The following UTP4 variants were observed in gnomAD, a reference collection of about 807,000 sequenced individuals.
The protein encoded by UTP4 is U3 small nucleolar RNA-associated protein 4 homolog.
A neutral mutation model predicts 82.4 loss-of-function variants in UTP4; 45 were observed. The observed-to-expected ratio is 0.55, with a 90% CI of 0.43 to 0.70. UTP4 has a LOEUF of 0.70. Among genes scored for constraint, UTP4 ranks in the 30% least tolerant of loss-of-function variants. The pLI is 0.00. For missense variants in UTP4, 819 were observed against 858.3 expected (o/e 0.95, Z 0.57); for synonymous variants, 348 against 300.3 (o/e 1.16, Z -1.64).
Position 69,157,639 on chromosome 16 carries a change from T to G in UTP4, c.1444+399T>G, listed in dbSNP as rs74544402. Among the ~76,000 whole-genome samples the G allele has an allele frequency of 8.2e-3, 1,248 of 152,266 alleles. 10 individuals are homozygous for G. The highest frequency in any genetic ancestry group is 0.011 in the Non-Finnish European group (734 of 68,016). ...GTGGGCATGTTGCCTTTTTTGGTTG[T>G]TTGTTCATAAAAAGGTACAATCATA... On this transcript the variant is annotated intron_variant, in intron 12 of 16. Coordinates refer to ENST00000314423, the MANE Select transcript of UTP4 (RefSeq NM_032830.3).
intron 11 of UTP4, 49 bp from the exon 12 acceptor site, chr16:69,157,035 C>G (rs151190988): frequency 6.3e-7 from 1 of 1,599,078 alleles, no homozygotes; most frequent in Admixed American, 1.7e-5. Flanking sequence ...TTCTGATGGG[C>G]TGTAGGTCTC....
chr16:69,148,181 T>A (rs1340622892), intron 6 of UTP4, among the ~76,000 whole-genome samples: 1 of 152,172 alleles, frequency 6.6e-6, no homozygotes, highest in Non-Finnish European at 1.5e-5. Context: ...CAGGATGGTC[T>A]TGATCTCCTG....
intron 3 of UTP4, among the ~76,000 whole-genome samples, chr16:69,137,508 T>G (rs1962840499): frequency 6.6e-6 from 1 of 152,200 alleles, no homozygotes; most frequent in Non-Finnish European, 1.5e-5. Context: ...GCAGAAGTAT[T>G]CTATGAAATC....
At chr16:69,161,049 G>T (rs1037741140) in intron 13 of UTP4, among the ~76,000 whole-genome samples, 1 of 152,168 alleles carries the variant, frequency 6.6e-6, no homozygotes, top group African/African-American at 2.4e-5. Flanking sequence ...TGATCTGTGG[G>T]TGATGTAAAC....
chr16:69,157,017 G>GTGAT, intron 11 of UTP4, 67 bp from the exon 12 acceptor site: 1 of 1,546,682 alleles, frequency 6.5e-7, no homozygotes, highest in Non-Finnish European at 8.9e-7. Context: ...AAGCCTAGCT[G>GTGAT]TGATTGTTTC....
At chr16:69,167,793 G>A (rs1963737048) in intron 16 of UTP4, 1 of 152,676 alleles carries the variant, frequency 6.5e-6, no homozygotes, top group Non-Finnish European at 1.5e-5. Flanking sequence ...AGGAGGTTGA[G>A]GCTGGAGTTC....
intron 2 of UTP4, among the ~76,000 whole-genome samples, chr16:69,134,486 TGAATTGCCTTCAGGGAAGGCAATTCAGA>T (rs367641044): frequency 0.016 from 1,138 of 72,386 alleles, 7 homozygotes; most frequent in African/African-American, 0.029. Context: ...GAACCTTCAT[TGAATTGCCTTCAGGGAAGGCAATTCAGA>T]GAATTGCCTT....
At chr16:69,168,685 TTG>T (rs1963764104) in intron 16 of UTP4, 134 bp from the exon 17 acceptor site, 2 of 741,752 alleles carry the variant, frequency 2.7e-6, no homozygotes, top group East Asian at 4.9e-5. Flanking sequence ...GCAGGAAAGA[TTG>T]TCAAGAAATT....
In UTP4 at chr16:69,136,232, C is replaced by G. The variant is rs141875459; in HGVS notation, c.160-464C>G. 8.7e-3 allele frequency among the ~76,000 whole-genome samples: 1,325 copies of G among 152,250 alleles called. 7 individuals are homozygous for G. Among genetic ancestry groups the G allele is most frequent in the Non-Finnish European group, 0.014 (975 of 68,008 alleles). ...GTCTAAGCATAAAATGCCTTGATAGCTACGAAAACTTTTGGGTTGGGTGCA... is the reference window on the plus strand; with the variant it reads ...GTCTAAGCATAAAATGCCTTGATAGGTACGAAAACTTTTGGGTTGGGTGCA... On this transcript the variant is annotated intron_variant, in intron 2 of 16. Transcript: ENST00000314423.
chr16:69,163,025 C>A, intron 13 of UTP4, 58 bp from the exon 14 acceptor site: 1 of 1,319,292 alleles, frequency 7.6e-7, no homozygotes, highest in Non-Finnish European at 1.1e-6. Context: ...ACCATTCAAT[C>A]TTTGCTGAGG....
rs534033030 is a variant in UTP4 at position 69,149,707 on chromosome 16, C to CT, written c.739-824dup. On this transcript the variant is annotated intron_variant, in intron 6 of 16. Transcript: ENST00000314423. ...CTGCCCACCTTGTTTATTTAAGAAA[C>CT]TTTTTTATTGGTGTTTCTTGCATTT... is the stretch of plus-strand genomic sequence containing the variant. Among the ~76,000 whole-genome samples the CT allele has an allele frequency of 3.3e-5, 5 of 151,994 alleles. No homozygotes were observed. The South Asian group carries it at 1.0e-3, about 32-fold the overall frequency.
chr16:69,168,490 A>ACAC (rs1963758379), intron 16 of UTP4, among the ~76,000 whole-genome samples: 1 of 150,206 alleles, frequency 6.7e-6, no homozygotes, highest in African/African-American at 2.4e-5. Flanking sequence ...GCAGCCGTGC[A>ACAC]CACCTACCTA....
At chr16:69,164,360 C>G (rs1963643991) in intron 14 of UTP4, among the ~76,000 whole-genome samples, 1 of 151,884 alleles carries the variant, frequency 6.6e-6, no homozygotes, top group Non-Finnish European at 1.5e-5. Context: ...GGCACTTAGT[C>G]CCTTAAGTGC....
Position 69,157,184 on chromosome 16 carries a change from T to C in UTP4, c.1388T>C (p.Ile463Thr). Residue 463 changes from isoleucine (I) to threonine (T), a missense_variant, in exon 12 of 17, where the codon ATT becomes ACT. Physicochemically the swap from Ile to Thr is moderately conservative, Grantham distance 89. Coordinates refer to ENST00000314423, the MANE Select transcript of UTP4 (RefSeq NM_032830.3). Reference protein sequence around the residue: ...FVASNQGALHIVQLSGGSFKH... With the variant: ...FVASNQGALHTVQLSGGSFKH... ...GCATCAAATCAAGGAGCTCTGCATA[T>C]TGTTCAGCTGTCAGGAGGAAGCTTC... 1 of 1,614,242 alleles carries C rather than the reference T, an allele frequency of 6.2e-7. No homozygotes were observed. Among genetic ancestry groups the C allele is most frequent in the Admixed American group, 1.7e-5 (1 of 60,026 alleles).
At chr16:69,143,157 T>C (rs747638960) in intron 5 of UTP4, 21 bp from the exon 6 acceptor site, 5 of 1,609,146 alleles carry the variant, frequency 3.1e-6, no homozygotes, top group Non-Finnish European at 4.3e-6. Flanking sequence ...CATTTGAAGG[T>C]GTGCTTTTCT....
chr16:69,135,429 G>T (rs1198320556), intron 2 of UTP4, among the ~76,000 whole-genome samples: 1 of 152,024 alleles, frequency 6.6e-6, no homozygotes, highest in Non-Finnish European at 1.5e-5. Flanking sequence ...AAAGTGAAAA[G>T]AGGCAGGGCA....
rs767076056 is a variant in UTP4 at position 69,155,937 on chromosome 16, T to C, written c.1231T>C (p.Ser411Pro). 3 of 1,614,104 alleles carry C rather than the reference T, an allele frequency of 1.9e-6. No individual in the cohort carries two copies. In the East Asian group the frequency reaches 6.7e-5, roughly 36 times the overall value. The change falls in exon 11 of 17, where the codon TCT (serine) becomes CCT (proline). Residue 411 changes from serine to proline, a missense_variant. Transcript: ENST00000314423. Reference sequence around the variant, plus strand: ...AAGTTGGATAGCCTATTCTACAGTTTCTCGGTTTTTTCTCTATCGGCTGAA... The same window carrying C: ...AAGTTGGATAGCCTATTCTACAGTTCCTCGGTTTTTTCTCTATCGGCTGAA... ...CGSWIAYSTV[S>P]RFFLYRLNYE...
At chr16:69,139,275 C>T (rs1021201016) in intron 4 of UTP4, among the ~76,000 whole-genome samples, 11 of 151,858 alleles carry the variant, frequency 7.2e-5, no homozygotes, top group African/African-American at 2.2e-4. Flanking sequence ...CCTGGGTGTT[C>T]TTTCTCAATT....
chr16:69,158,648 GTA>G, intron 12 of UTP4, among the ~76,000 whole-genome samples: 1 of 152,182 alleles, frequency 6.6e-6, no homozygotes, highest in African/African-American at 2.4e-5. Context: ...TCTACATTAT[GTA>G]TATGACTTTA....
Sources: gnomAD v4.1 joint callset for allele counts (sites outside exome capture counted in the v4.1 genomes callset) on GRCh38, gnomAD v4.1.1 for gene constraint, MANE v1.5 for transcripts, NCBI Gene and HGNC (gene_info 2026-07-23, HGNC 2026-07-21) for gene names.